TGFBR2: variants seen among roughly 807,000 people sequenced by gnomAD.
The protein encoded by TGFBR2 is transforming growth factor beta receptor 2, also known as TGF-beta receptor type-2.
In TGFBR2, 18 loss-of-function variants were observed where a neutral mutation model predicts 49.0. That is an observed-to-expected ratio of 0.37 (90% CI 0.25 to 0.54). The LOEUF (loss-of-function observed/expected upper bound fraction) is 0.54, where lower values mean the gene tolerates loss of function less well. Ranked by LOEUF, TGFBR2 falls within the 20% of genes least tolerant of loss-of-function variation. TGFBR2 has a pLI of 0.85. For synonymous variants in TGFBR2, 282 were observed against 275.9 expected, an observed-to-expected ratio of 1.02 and a Z score of -0.22; for missense variants, 525 against 722.6, an observed-to-expected ratio of 0.73 and a Z score of 3.13.
At chr3:30,634,939 C>G (rs1381766371) in intron 1 of TGFBR2, among the ~76,000 whole-genome samples, 1 of 152,150 alleles carries the variant, frequency 6.6e-6, no homozygotes, top group Admixed American at 6.5e-5. Context: ...TAACTGGCTT[C>G]CTGTTCTTCT....
Position 30,613,905 on chromosome 3 carries a change from T to G in TGFBR2, c.94+6928T>G, listed in dbSNP as rs191237029. On this transcript the variant is annotated intron_variant, in intron 1 of 6. Transcript: ENST00000295754. Reference sequence around the variant, plus strand: ...TGGGCCTTCCCATGTTGGGGGTGGATCTGCAGCAGCAACATTCCTTTGCAG... The same window carrying G: ...TGGGCCTTCCCATGTTGGGGGTGGAGCTGCAGCAGCAACATTCCTTTGCAG... Among the ~76,000 whole-genome samples the G allele has an allele frequency of 1.2e-4, 18 of 152,310 alleles. No homozygotes were observed. The East Asian group carries it at 3.3e-3, about 28-fold the overall frequency.
chr3:30,661,879 A>C (rs1328625881), intron 3 of TGFBR2, among the ~76,000 whole-genome samples: 3 of 152,208 alleles, frequency 2.0e-5, no homozygotes, highest in Non-Finnish European at 4.4e-5. Context: ...ACCCTTAGAA[A>C]AAAGGTCCTG....
At chr3:30,632,967 C>T (rs551766897) in intron 1 of TGFBR2, among the ~76,000 whole-genome samples, 2 of 152,318 alleles carry the variant, frequency 1.3e-5, no homozygotes, top group African/African-American at 4.8e-5. Context: ...AAGCTTTTGT[C>T]TAAGAAACTT....
chr3:30,620,191 C>CAAACA (rs1048849758), intron 1 of TGFBR2, among the ~76,000 whole-genome samples: 1 of 152,210 alleles, frequency 6.6e-6, no homozygotes, highest in East Asian at 1.9e-4. Flanking sequence ...TGTCTCAAAA[C>CAAACA]AAACAAAACA....
At chr3:30,666,804 TA>T (rs1699253207) in intron 3 of TGFBR2, among the ~76,000 whole-genome samples, 1 of 87,416 alleles carries the variant, frequency 1.1e-5, no homozygotes, top group Non-Finnish European at 2.8e-5. Flanking sequence ...AGTGTCTGGC[TA>T]ATTTTTTTTT....
chr3:30,649,440 A>G (rs1698839024), intron 2 of TGFBR2, among the ~76,000 whole-genome samples: 1 of 152,202 alleles, frequency 6.6e-6, no homozygotes, highest in South Asian at 2.1e-4. Context: ...CCTAGGGCCC[A>G]AGGAAAATGC....
At position 30,671,814 on chromosome 3, in the gene TGFBR2, G is replaced by A. The variant is rs2125433766; in HGVS notation, c.631G>A (p.Glu211Lys). ...AACCGGCAAGACGCGGAAGCTCATG[G>A]AGTTCAGCGAGCACTGTGCCATCAT... ...WETGKTRKLMEFSEHCAIILE... is the reference protein window; with the variant it reads ...WETGKTRKLMKFSEHCAIILE... The change falls in exon 4 of 7, where the codon GAG (glutamate) becomes AAG (lysine). Residue 211 changes from glutamate to lysine, a missense_variant. Transcript: ENST00000295754. 3.1e-6 allele frequency: 5 copies of A among 1,614,170 alleles called. No homozygotes were observed. The highest frequency in any genetic ancestry group is 3.4e-6 in the Non-Finnish European group (4 of 1,180,042).
In TGFBR2 at chr3:30,606,850, G is replaced by C; in HGVS notation, c.-34G>C. 2.2e-6 allele frequency: 3 copies of C among 1,374,080 alleles called. No homozygotes were observed. Among genetic ancestry groups the C allele is most frequent in the South Asian group, 3.3e-5 (2 of 60,700 alleles). The allele number at this position is 1,374,080 out of a possible 1,614,324, so 85.1% of individuals were successfully genotyped here. A position where few individuals can be genotyped will look rare whatever the true frequency, so the allele number is the denominator to read the frequency against. On this transcript the variant is annotated 5_prime_UTR_variant, in exon 1 of 7. Coordinates refer to ENST00000295754, the MANE Select transcript of TGFBR2 (RefSeq NM_003242.6). ...CGGGAAGGCGCCGTCCGCTGCGCTG[G>C]GGGCTCGGTCTATGACGAGCAGCGG...
In TGFBR2 at chr3:30,628,126, TTTA is replaced by T. The variant is rs375694933; in HGVS notation, c.95-16620_95-16618del. Among the ~76,000 whole-genome samples the T allele has an allele frequency of 6.1e-3, 735 of 119,550 alleles. 9 individuals carry two copies. The highest frequency in any genetic ancestry group is 0.028 in the South Asian group (106 of 3,820). The allele number at this position is 119,550 out of a possible 152,430, so 78.4% of individuals were successfully genotyped here. A position where few individuals can be genotyped will look rare whatever the true frequency, so the allele number is the denominator to read the frequency against. ...TGCAGCCAGGCCTTTTTTTTTTTTT[TTTA>T]ATCATCTGTGTTTTTAGTTTTAATC... On this transcript the variant is annotated intron_variant, in intron 1 of 6. Transcript: ENST00000295754.
intron 3 of TGFBR2, among the ~76,000 whole-genome samples, chr3:30,659,056 A>T (rs1225743216): frequency 6.6e-6 from 1 of 152,210 alleles, no homozygotes; most frequent in African/African-American, 2.4e-5. Flanking sequence ...GGAAATGATT[A>T]GTTCTTGCAT....
At position 30,693,833 on chromosome 3, in the gene TGFBR2, T is replaced by G; in HGVS notation, c.*2234T>G. The G allele has an allele frequency of 4.6e-6, 1 of 219,194 alleles. No homozygotes were observed. The allele number at this position is 219,194 out of a possible 1,614,324, so 13.6% of individuals were successfully genotyped here. A position where few individuals can be genotyped will look rare whatever the true frequency, so the allele number is the denominator to read the frequency against. On this transcript the variant is annotated 3_prime_UTR_variant, in exon 7 of 7. Coordinates refer to ENST00000295754, the MANE Select transcript of TGFBR2 (RefSeq NM_003242.6). Reference sequence around the variant, plus strand: ...TCAGAGGATACTGTGGCTTGTTTTGTTTATGTTTTTTTTTCTTATTCAAGA... The same window carrying G: ...TCAGAGGATACTGTGGCTTGTTTTGGTTATGTTTTTTTTTCTTATTCAAGA...
In TGFBR2 at chr3:30,693,353, A is replaced by G; in HGVS notation, c.*1754A>G. 4.3e-6 allele frequency: 1 copy of G among 233,826 alleles called. No individual in the cohort carries two copies. The highest frequency in any genetic ancestry group is 8.5e-6 in the Non-Finnish European group (1 of 118,020). 14.5% of individuals were successfully genotyped at this position (233,826 alleles called of 1,614,324 possible). ...AATTTGTGTCCACAAGGACAAGAAC[A>G]AAGTATGAGCTTTAAAACTCCATAG... On this transcript the variant is annotated 3_prime_UTR_variant, in exon 7 of 7. Transcript: ENST00000295754.
In TGFBR2 at chr3:30,671,873, G is replaced by A. The variant is rs201560560; in HGVS notation, c.690G>A (p.Thr230=). Residue 230 remains threonine (T), a synonymous_variant, in exon 4 of 7, where the codon ACG becomes ACA. Coordinates refer to ENST00000295754, the MANE Select transcript of TGFBR2 (RefSeq NM_003242.6). ...LEDDRSDISS[T]CANNINHNTE... is the part of the protein sequence containing the mutation. ...ATGACCGCTCTGACATCAGCTCCACGTGTGCCAACAACATCAACCACAACA... is the reference window on the plus strand; with the variant it reads ...ATGACCGCTCTGACATCAGCTCCACATGTGCCAACAACATCAACCACAACA... 5.2e-5 allele frequency: 84 copies of A among 1,614,066 alleles called. No individual in the cohort carries two copies. Among genetic ancestry groups the A allele is most frequent in the South Asian group, 1.3e-4 (12 of 91,082 alleles).
At chr3:30,610,762 A>G (rs1486214841) in intron 1 of TGFBR2, among the ~76,000 whole-genome samples, 1 of 152,206 alleles carries the variant, frequency 6.6e-6, no homozygotes, top group Admixed American at 6.5e-5. Context: ...TGCTCAATAA[A>G]TATCAGCTTC....
intron 5 of TGFBR2, among the ~76,000 whole-genome samples, chr3:30,681,338 C>T (rs975919202): frequency 1.8e-4 from 27 of 151,950 alleles, no homozygotes; most frequent in Non-Finnish European, 3.5e-4. Flanking sequence ...TATGAAAACT[C>T]GGGGGTACTG....
At chr3:30,663,040 C>T (rs1228375435) in intron 3 of TGFBR2, among the ~76,000 whole-genome samples, 1 of 152,110 alleles carries the variant, frequency 6.6e-6, no homozygotes, top group Admixed American at 6.5e-5. Context: ...TGCTGGTCTG[C>T]GGGCACACTT....
intron 1 of TGFBR2, among the ~76,000 whole-genome samples, chr3:30,609,026 A>G (rs1697986495): frequency 6.6e-6 from 1 of 152,208 alleles, no homozygotes; most frequent in African/African-American, 2.4e-5. Flanking sequence ...CCAATAGTTC[A>G]CGAGTCACTT....
At chr3:30,678,617 T>C (rs1433200859) in intron 5 of TGFBR2, among the ~76,000 whole-genome samples, 3 of 149,558 alleles carry the variant, frequency 2.0e-5, no homozygotes, top group Admixed American at 1.3e-4. Flanking sequence ...GGGATGCAAG[T>C]CTCCAGTGAA....
At chr3:30,629,303 A>G (rs974688348) in intron 1 of TGFBR2, among the ~76,000 whole-genome samples, 1 of 152,204 alleles carries the variant, frequency 6.6e-6, no homozygotes, top group Non-Finnish European at 1.5e-5. Context: ...GTGTAGCTCT[A>G]TCTAGATTAT....
Sources: gnomAD v4.1 joint callset for allele counts (sites outside exome capture counted in the v4.1 genomes callset) on GRCh38, gnomAD v4.1.1 for gene constraint, MANE v1.5 for transcripts, NCBI Gene and HGNC (gene_info 2026-07-23, HGNC 2026-07-21) for gene names.